Variants in GRIN2A observed in about 807,000 individuals in gnomAD.
GRIN2A encodes glutamate receptor ionotropic, NMDA 2A.
A neutral mutation model predicts 113.4 loss-of-function variants in GRIN2A; 22 were observed. That is an observed-to-expected ratio of 0.19 (90% CI 0.14 to 0.28). The LOEUF (loss-of-function observed/expected upper bound fraction) is 0.28, where lower values mean the gene tolerates loss of function less well. Ranked by LOEUF, GRIN2A falls within the 10% of genes least tolerant of loss-of-function variation. The pLI, the probability that GRIN2A is intolerant of heterozygous loss-of-function variation, is 1.00. For missense variants in GRIN2A, 1,502 were observed against 1,887.0 expected, an observed-to-expected ratio of 0.80 and a Z score of 3.78; for synonymous variants, 827 against 738.4, an observed-to-expected ratio of 1.12 and a Z score of -1.94.
At chr16:10,102,466 G>A (rs532471065) in intron 2 of GRIN2A, among the ~76,000 whole-genome samples, 1 of 152,308 alleles carries the variant, frequency 6.6e-6, no homozygotes, top group South Asian at 2.1e-4. Context: ...ATAGCCTGCA[G>A]AACCGTGAGC....
intron 2 of GRIN2A, among the ~76,000 whole-genome samples, chr16:9,989,556 A>G (rs2046059682): frequency 6.6e-6 from 1 of 152,222 alleles, no homozygotes; most frequent in Non-Finnish European, 1.5e-5. Context: ...AGTTAAACTA[A>G]AGGTCTTCTG....
Position 9,764,353 on chromosome 16 carries a change from G to T in GRIN2A, c.3191C>A (p.Thr1064Lys). 6.2e-7 allele frequency: 1 copy of T among 1,614,074 alleles called. No individual in the cohort carries two copies. The highest frequency in any genetic ancestry group is 8.5e-7 in the Non-Finnish European group (1 of 1,179,984). Residue 1064 changes from threonine (T) to lysine (K), a missense_variant, in exon 13 of 13, where the codon ACG (threonine) becomes AAG (lysine). By Grantham distance (78) the Thr-to-Lys change is moderately conservative (BLOSUM62 -1). Coordinates refer to ENST00000330684, the MANE Select transcript of GRIN2A (RefSeq NM_001134407.3). ...EEMAHSDISE[T>K]SNRATCHREP... is the part of the protein sequence containing the mutation. The stretch of plus-strand genomic sequence containing the variant: ...CCTGTGGCACGTGGCCCGATTTGAC[G>T]TTTCTGAAATGTCAGAGTGGGCCAT...
At chr16:9,855,855 G>A (rs1490687661) in intron 4 of GRIN2A, among the ~76,000 whole-genome samples, 3 of 152,180 alleles carry the variant, frequency 2.0e-5, no homozygotes, top group African/African-American at 4.8e-5. Flanking sequence ...AGAAGAACAT[G>A]GTCAATAGAG....
At chr16:9,921,205 G>A (rs1003971900) in intron 3 of GRIN2A, among the ~76,000 whole-genome samples, 2 of 152,130 alleles carry the variant, frequency 1.3e-5, no homozygotes, top group African/African-American at 4.8e-5. Flanking sequence ...TAGTATTGAT[G>A]ACAACATTAA....
chr16:10,114,977 C>T (rs182042713), intron 2 of GRIN2A, among the ~76,000 whole-genome samples: 8 of 152,366 alleles, frequency 5.3e-5, no homozygotes, highest in African/African-American at 1.4e-4. Context: ...ACTGGACCCA[C>T]GTCCCCACAT....
chr16:10,134,219 G>C (rs2049139524), intron 2 of GRIN2A, among the ~76,000 whole-genome samples: 1 of 2,502 alleles, frequency 4.0e-4, no homozygotes, highest in Non-Finnish European at 1.7e-3. Flanking sequence ...AAAAAAAAAT[G>C]GAGAGGAGAG....
chr16:9,841,108 T>TA lies in GRIN2A; in HGVS notation c.1329-5dup, dbSNP rs1455515948. The TA allele has an allele frequency of 1.1e-5, 17 of 1,611,976 alleles. No individual in the cohort carries two copies. The highest frequency in any genetic ancestry group is 6.7e-5 in the African/African-American group (5 of 74,804). On this transcript the variant is annotated splice_polypyrimidine_tract_variant and splice_region_variant and intron_variant, in intron 5 of 12. Transcript: ENST00000330684. ...CATCCCCTCATTGGTTGAATTGCTG[T>TA]AAAGAAAAACCCCAAGACCACAGAA...
intron 2 of GRIN2A, among the ~76,000 whole-genome samples, chr16:10,098,080 AC>A (rs2048326824): frequency 6.6e-6 from 1 of 152,194 alleles, no homozygotes; most frequent in South Asian, 2.1e-4. Flanking sequence ...AGGAACTCAA[AC>A]AAATTAGCAA....
rs747800111 is a variant in GRIN2A at position 9,768,852 on chromosome 16, C to G, written c.2594G>C (p.Arg865Thr). 2 of 1,610,326 alleles carry G rather than the reference C, an allele frequency of 1.2e-6. No individual in the cohort carries two copies. The highest frequency in any genetic ancestry group is 2.7e-5 in the African/African-American group (2 of 74,840). The change falls in exon 12 of 13, where the codon AGG becomes ACG. Residue 865 changes from arginine to threonine, a missense_variant and splice_region_variant. Physicochemically the swap from Arg to Thr is moderately conservative, Grantham distance 71. Coordinates refer to ENST00000330684, the MANE Select transcript of GRIN2A (RefSeq NM_001134407.3). ...DRPGLLFSIS[R>T]GIYSCIHGVH... ...AAAGTAGCCACCCGGTGTACTGACC[C>G]TGCTGATGGAGAAGAGCAACCCAGG...
intron 9 of GRIN2A, among the ~76,000 whole-genome samples, chr16:9,822,814 T>A (rs1287812886): frequency 6.6e-6 from 1 of 152,214 alleles, no homozygotes; most frequent in African/African-American, 2.4e-5. Context: ...GGTACTACCT[T>A]AGTCCAGTCC....
At chr16:9,912,936 G>T (rs1373247197) in intron 3 of GRIN2A, among the ~76,000 whole-genome samples, 4 of 152,192 alleles carry the variant, frequency 2.6e-5, no homozygotes, top group South Asian at 2.1e-4. Flanking sequence ...CCACATAGAA[G>T]AGTTTTAAGG....
intron 2 of GRIN2A, among the ~76,000 whole-genome samples, chr16:10,160,226 A>G (rs535144869): frequency 1.3e-5 from 2 of 152,332 alleles, no homozygotes; most frequent in South Asian, 4.1e-4. Context: ...ACATCTACTA[A>G]GTACCTACTC....
intron 11 of GRIN2A, among the ~76,000 whole-genome samples, chr16:9,774,406 C>A (rs976502622): frequency 5.9e-5 from 9 of 152,200 alleles, no homozygotes; most frequent in Non-Finnish European, 1.3e-4. Context: ...GGTATTAATA[C>A]ACTCAATATC....
At chr16:9,832,209 G>A (rs1370162131) in intron 8 of GRIN2A, among the ~76,000 whole-genome samples, 1 of 151,646 alleles carries the variant, frequency 6.6e-6, no homozygotes, top group African/African-American at 2.4e-5. Context: ...TCCTGCCTTG[G>A]CCTCAAAAAG....
intron 4 of GRIN2A, among the ~76,000 whole-genome samples, chr16:9,858,448 G>A (rs1229838639): frequency 6.6e-6 from 1 of 151,828 alleles, no homozygotes; most frequent in African/African-American, 2.4e-5. Flanking sequence ...TTGTGTGGGA[G>A]GAGAAAAAAA....
intron 2 of GRIN2A, among the ~76,000 whole-genome samples, chr16:10,114,557 C>CACCG (rs2048691446): frequency 6.6e-6 from 1 of 152,204 alleles, no homozygotes; most frequent in Admixed American, 6.5e-5. Flanking sequence ...AACCCGCAGG[C>CACCG]ACCGGTCCCA....
intron 2 of GRIN2A, among the ~76,000 whole-genome samples, chr16:10,155,673 G>A (rs1199745692): frequency 6.6e-6 from 1 of 152,196 alleles, no homozygotes; most frequent in African/African-American, 2.4e-5. Flanking sequence ...AAGGGAAAGA[G>A]GTTTAATGGA....
Position 9,761,704 on chromosome 16 carries a change from C to G in GRIN2A, c.*1445G>C, listed in dbSNP as rs1469939741. 4.4e-6 allele frequency: 1 copy of G among 224,724 alleles called. No homozygotes were observed. The highest frequency in any genetic ancestry group is 8.9e-6 in the Non-Finnish European group (1 of 112,866). 13.9% of individuals were successfully genotyped at this position (224,724 alleles called of 1,614,324 possible). On this transcript the variant is annotated 3_prime_UTR_variant, in exon 13 of 13. Transcript: ENST00000330684. ...TCCCCATGCATAAGTATTCCCCTCT[C>G]TGTCTCTAACTTAAAAAAAAAATGG...
chr16:9,967,685 G>A (rs1437659581), intron 2 of GRIN2A, among the ~76,000 whole-genome samples: 7 of 152,084 alleles, frequency 4.6e-5, no homozygotes, highest in East Asian at 1.9e-4. Flanking sequence ...CATCCTGGGC[G>A]ACAGAGCGAG....
Sources: allele counts gnomAD v4.1 joint callset (sites outside exome capture counted in the v4.1 genomes callset), GRCh38; gene constraint gnomAD v4.1.1; transcripts MANE v1.5; gene names NCBI Gene and HGNC (gene_info 2026-07-23, HGNC 2026-07-21).